Variants in TRIM66 observed in about 807,000 individuals in gnomAD.
The protein encoded by TRIM66 is tripartite motif-containing protein 66.
Under a neutral mutation model 148.2 loss-of-function variants are expected in TRIM66, and 99 were observed. The observed-to-expected ratio is 0.67, with a 90% CI of 0.57 to 0.79. The LOEUF (loss-of-function observed/expected upper bound fraction) is 0.79. TRIM66 is among the 30% of genes least tolerant of loss of function. TRIM66 has a pLI of 0.00. For synonymous variants in TRIM66, 616 were observed against 635.9 expected (o/e 0.97, Z 0.47); for missense variants, 1,666 against 1,697.9 (o/e 0.98, Z 0.33).
chr11:8,679,210 C>T (rs1219040688), intron 3 of TRIM66: 1 of 152,160 alleles, frequency 6.6e-6, no homozygotes, highest in Non-Finnish European at 1.5e-5. Context: ...CCTCTGTCAA[C>T]CTAGGAAAAG....
At chr11:8,629,090 G>A (rs2035148182) in intron 15 of TRIM66, among the ~76,000 whole-genome samples, 1 of 152,154 alleles carries the variant, frequency 6.6e-6, no homozygotes, top group African/African-American at 2.4e-5. Flanking sequence ...ACCAAATTGG[G>A]TAAGCTAGGA....
rs78832158 is a variant in TRIM66 at position 8,643,287 on chromosome 11, T to A, written c.1105-161A>T. On this transcript the variant is annotated intron_variant, in intron 12 of 24. Transcript: ENST00000646038. ...TCTCTTGCACCTTAGCACCTGTCCA[T>A]CCTCCCAGCTGATCCCTTTCCTCTT... Among the ~76,000 whole-genome samples the A allele has an allele frequency of 5.3e-5, 8 of 151,782 alleles. No individual in the cohort carries two copies. The East Asian group carries it at 1.5e-3, about 29-fold the overall frequency.
intron 6 of TRIM66, among the ~76,000 whole-genome samples, chr11:8,653,227 C>A (rs1437222189): frequency 6.6e-6 from 1 of 152,218 alleles, no homozygotes; most frequent in Non-Finnish European, 1.5e-5. Flanking sequence ...GTAAGACTCT[C>A]CACGAGCTTC....
chr11:8,652,087 T>C (rs886767256), intron 6 of TRIM66, among the ~76,000 whole-genome samples, 184 bp from the exon 7 acceptor site: 11 of 152,150 alleles, frequency 7.2e-5, no homozygotes, highest in Non-Finnish European at 1.5e-4. Flanking sequence ...GACCATCCCA[T>C]TGGGGCCTTC....
At chr11:8,630,025 G>A (rs1239142506) in intron 15 of TRIM66, among the ~76,000 whole-genome samples, 10 of 152,176 alleles carry the variant, frequency 6.6e-5, no homozygotes, top group African/African-American at 2.4e-4. Context: ...GTGAAGGGTT[G>A]TAAAATATTA....
intron 3 of TRIM66, among the ~76,000 whole-genome samples, chr11:8,676,004 A>G (rs913580459): frequency 6.6e-6 from 1 of 152,212 alleles, no homozygotes; most frequent in African/African-American, 2.4e-5. Flanking sequence ...CCCAAAGATT[A>G]CAGGCGTGAG....
intron 15 of TRIM66, among the ~76,000 whole-genome samples, chr11:8,627,471 G>A (rs1326654970): frequency 6.6e-6 from 1 of 152,094 alleles, no homozygotes; most frequent in African/African-American, 2.4e-5. Flanking sequence ...AACCATTAAA[G>A]GTTAAAAGAA....
intron 6 of TRIM66, among the ~76,000 whole-genome samples, chr11:8,665,449 A>C (rs2038527527): frequency 6.6e-6 from 1 of 152,196 alleles, no homozygotes; most frequent in South Asian, 2.1e-4. Flanking sequence ...AACTTTAAAC[A>C]ATCTTCTCTT....
chr11:8,676,725 C>T (rs1592218859), intron 3 of TRIM66, among the ~76,000 whole-genome samples: 1 of 152,208 alleles, frequency 6.6e-6, no homozygotes. Context: ...CTTATGGCTG[C>T]TTTCATCATA....
At chr11:8,637,161 T>C (rs1565506341) in intron 15 of TRIM66, among the ~76,000 whole-genome samples, 1 of 152,216 alleles carries the variant, frequency 6.6e-6, no homozygotes, top group African/African-American at 2.4e-5. Flanking sequence ...ATGACTATTA[T>C]AGCACTTTAC....
At chr11:8,626,383 A>G (rs2034848864) in intron 15 of TRIM66, among the ~76,000 whole-genome samples, 1 of 152,200 alleles carries the variant, frequency 6.6e-6, no homozygotes, top group African/African-American at 2.4e-5. Flanking sequence ...TACTTCAAAT[A>G]CATTCTCAAG....
At chr11:8,638,479 G>A (rs528479829) in intron 15 of TRIM66, among the ~76,000 whole-genome samples, 175 bp downstream of exon 15, 2 of 152,178 alleles carry the variant, frequency 1.3e-5, no homozygotes, top group Non-Finnish European at 2.9e-5. Context: ...AAATGGGGAG[G>A]AGGAAGATCT....
chr11:8,682,457 C>CT, intron 1 of TRIM66, 144 bp downstream of exon 1: 1 of 373,882 alleles, frequency 2.7e-6, no homozygotes, highest in Non-Finnish European at 4.9e-6. Context: ...CAACGAGGCC[C>CT]TTAGGGTCGG....
Position 8,635,288 on chromosome 11 carries a change from T to C in TRIM66, c.2310+3366A>G, listed in dbSNP as rs114668696. ...TTTCAAAGGGGAATAAGAAAGTGGC[T>C]TCCTCATAGTATTGCTAGGATAAAG... On this transcript the variant is annotated intron_variant, in intron 15 of 24. Transcript: ENST00000646038. Among the ~76,000 whole-genome samples the C allele has an allele frequency of 9.2e-3, 1,404 of 152,280 alleles. 30 individuals are homozygous for C. The highest frequency in any genetic ancestry group is 0.032 in the African/African-American group (1,343 of 41,538).
intron 15 of TRIM66, among the ~76,000 whole-genome samples, chr11:8,638,169 T>C (rs1485343220): frequency 1.3e-5 from 2 of 152,200 alleles, no homozygotes; most frequent in African/African-American, 4.8e-5. Context: ...AAAAAATATT[T>C]TCCCCATCTT....
intron 3 of TRIM66, among the ~76,000 whole-genome samples, chr11:8,677,860 ACT>A (rs1304863486): frequency 2.0e-5 from 3 of 152,154 alleles, no homozygotes; most frequent in Non-Finnish European, 2.9e-5. Flanking sequence ...CATGTAGAAC[ACT>A]CTATCCAACA....
At position 8,613,170 on chromosome 11, in the gene TRIM66, C is replaced by A. The variant is rs185844139; in HGVS notation, c.*4774G>T. 2 of 152,314 alleles carry A rather than the reference C, an allele frequency of 1.3e-5. No individual in the cohort carries two copies. The highest frequency in any genetic ancestry group is 1.3e-4 in the Admixed American group (2 of 15,290). The allele number at this position is 152,314 out of a possible 1,614,324, so 9.4% of individuals were successfully genotyped here. ...TGTGATTCTTCCTCCCTACCCAACT[C>A]CTGAAAAGAAGAGACCACAGACAGC... On this transcript the variant is annotated 3_prime_UTR_variant, in exon 25 of 25. Transcript: ENST00000646038.
intron 15 of TRIM66, among the ~76,000 whole-genome samples, chr11:8,629,081 C>T (rs913284619): frequency 6.6e-6 from 1 of 152,136 alleles, no homozygotes; most frequent in African/African-American, 2.4e-5. Context: ...AATATTTAAA[C>T]CAAATTGGGT....
Position 8,624,340 on chromosome 11 carries a change from C to A in TRIM66, c.3019+19G>T. ...TCAAGTCTGTGGCCAACATGAAGGGCAGGCTGCTTGAGTCTCACCTTTTGG... is the reference window on the plus strand; with the variant it reads ...TCAAGTCTGTGGCCAACATGAAGGGAAGGCTGCTTGAGTCTCACCTTTTGG... On this transcript the variant is annotated intron_variant, in intron 17 of 24. Transcript: ENST00000646038. 2 of 1,547,564 alleles carry A rather than the reference C, an allele frequency of 1.3e-6. No individual in the cohort carries two copies. The highest frequency in any genetic ancestry group is 1.7e-6 in the Non-Finnish European group (2 of 1,146,160).
Sources: allele counts gnomAD v4.1 joint callset (sites outside exome capture counted in the v4.1 genomes callset), GRCh38; gene constraint gnomAD v4.1.1; transcripts MANE v1.5; gene names NCBI Gene and HGNC (gene_info 2026-07-23, HGNC 2026-07-21).